CEP290: variants seen among roughly 807,000 people sequenced by gnomAD.
CEP290 encodes the protein centrosomal protein of 290 kDa.
CEP290 carries 317 observed loss-of-function variants against 344.9 expected under a neutral mutation model. That is an observed-to-expected ratio of 0.92 (90% CI 0.84 to 1.01). CEP290 has a LOEUF of 1.01. Ranked by LOEUF, CEP290 falls within the 50% of genes least tolerant of loss-of-function variation. The probability of loss-of-function intolerance (pLI) is 0.00; values close to 1 mark genes in which losing one functional copy is unlikely to be tolerated. For synonymous variants in CEP290, 932 were observed against 895.8 expected (o/e 1.04, Z -0.72); for missense variants, 2,754 against 2,761.4 (o/e 1.00, Z 0.06).
At chr12:88,107,259 A>G (rs961471205) in intron 23 of CEP290, among the ~76,000 whole-genome samples, 161 bp from the exon 24 acceptor site, 24 of 152,208 alleles carry the variant, frequency 1.6e-4, no homozygotes, top group African/African-American at 5.8e-4. Context: ...TCATTTAAAA[A>G]GGGTTTAGCC....
chr12:88,061,589 G>C (rs911171726), intron 46 of CEP290, among the ~76,000 whole-genome samples: 3 of 152,074 alleles, frequency 2.0e-5, no homozygotes, highest in Non-Finnish European at 4.4e-5. Context: ...TAGCCAAACA[G>C]TATGCTTAAT....
rs575298748 is a variant in CEP290, at chr12:88,060,355, C to A, written c.6523-335G>T. On this transcript the variant is annotated intron_variant, in intron 47 of 53. Coordinates refer to ENST00000552810, the MANE Select transcript of CEP290 (RefSeq NM_025114.4). ...TGGGCGGATCACGAGGTCAGGAGAT[C>A]GAGACAGTCCTGGTTAACATGGTGA... Among the ~76,000 whole-genome samples, 19 of 152,244 alleles carry A rather than the reference C, an allele frequency of 1.2e-4. No individual in the cohort carries two copies. In the East Asian group the frequency reaches 3.5e-3, roughly 28 times the overall value.
chr12:88,125,954 G>T lies in CEP290; in HGVS notation c.1065+362C>A, dbSNP rs548097352. ...TTTAGCTTATTTCACATTGTATAGG[G>T]TATGTTAGGACTAAGATACAGTAAA... On this transcript the variant is annotated intron_variant, in intron 12 of 53. Coordinates refer to ENST00000552810, the MANE Select transcript of CEP290 (RefSeq NM_025114.4). 9.9e-5 allele frequency among the ~76,000 whole-genome samples: 15 copies of T among 152,012 alleles called. No individual in the cohort carries two copies. In the South Asian group the frequency reaches 3.1e-3, roughly 32 times the overall value.
chr12:88,115,731 A>C, intron 18 of CEP290: 1 of 923,104 alleles, frequency 1.1e-6, no homozygotes, highest in Non-Finnish European at 1.3e-6. Flanking sequence ...TCATAAAAGA[A>C]CAACCACAGA....
In CEP290 at chr12:88,107,021, T is replaced by C. The variant is rs761569725; in HGVS notation, c.2561A>G (p.Asp854Gly). Residue 854 changes from aspartate (D) to glycine (G), a missense_variant, in exon 24 of 54, where the codon GAT becomes GGT. Coordinates refer to ENST00000552810, the MANE Select transcript of CEP290 (RefSeq NM_025114.4). ...KRKLEDQVQQ[D>G]AIKVKEYNNL... is the part of the protein sequence containing the mutation. ...ATTATATTCTTTTACTTTTATAGCA[T>C]CTTGTTGGACTTGATCCTCAAGTTT... The C allele has an allele frequency of 3.2e-6, 5 of 1,553,212 alleles. No individual in the cohort carries two copies. The highest frequency in any genetic ancestry group is 2.3e-5 in the East Asian group (1 of 42,694).
intron 38 of CEP290, among the ~76,000 whole-genome samples, chr12:88,079,834 G>T (rs1296061905): frequency 6.6e-6 from 1 of 151,494 alleles, no homozygotes; most frequent in Non-Finnish European, 1.5e-5. Context: ...GTTCAAAATT[G>T]TTCATTTGTT....
At chr12:88,112,997 A>G (rs1028871541) in intron 20 of CEP290, among the ~76,000 whole-genome samples, 2 of 152,120 alleles carry the variant, frequency 1.3e-5, no homozygotes, top group Non-Finnish European at 2.9e-5. Flanking sequence ...GAAGTGCATA[A>G]TCCAGCATTG....
chr12:88,105,700 A>T (rs1453011814), intron 25 of CEP290, among the ~76,000 whole-genome samples: 3 of 152,040 alleles, frequency 2.0e-5, no homozygotes, highest in Non-Finnish European at 4.4e-5. Context: ...TTGCTTAATA[A>T]TGGAGGTATA....
chr12:88,060,095 T>A (rs2034352558), intron 47 of CEP290, 75 bp from the exon 48 acceptor site: 8 of 1,229,874 alleles, frequency 6.5e-6, no homozygotes, highest in Non-Finnish European at 8.9e-6. Context: ...TATAAACTCA[T>A]AAATCTTCAA....
chr12:88,139,721 TTTTG>T (rs1221884697), intron 3 of CEP290, among the ~76,000 whole-genome samples, 157 bp from the exon 4 acceptor site: 1 of 152,166 alleles, frequency 6.6e-6, no homozygotes, highest in Non-Finnish European at 1.5e-5. Flanking sequence ...AGTTTTTGGT[TTTTG>T]TTTTTGTTTT....
chr12:88,124,421 A>G (rs2039602678), intron 13 of CEP290, among the ~76,000 whole-genome samples: 1 of 152,074 alleles, frequency 6.6e-6, no homozygotes, highest in Admixed American at 6.6e-5. Flanking sequence ...TTATCTCCTG[A>G]GCAAGGCTTT....
intron 49 of CEP290, 71 bp downstream of exon 49, chr12:88,058,777 T>G: frequency 7.0e-7 from 1 of 1,431,842 alleles, no homozygotes; most frequent in Admixed American, 1.9e-5. Flanking sequence ...TCCAGAATAG[T>G]GTTGTCTTTT....
intron 18 of CEP290, chr12:88,115,564 T>C: frequency 7.8e-7 from 1 of 1,289,492 alleles, no homozygotes; most frequent in South Asian, 1.2e-5. Context: ...TGTGCTATGA[T>C]TTCATTCTAA....
intron 33 of CEP290, 36 bp downstream of exon 33, chr12:88,086,355 T>G (rs200189677): frequency 6.6e-7 from 1 of 1,524,006 alleles, no homozygotes; most frequent in African/African-American, 1.4e-5. Flanking sequence ...CTCTAGACTA[T>G]GCTACAGAGT....
At chr12:88,133,637 C>A (rs999652136) in intron 6 of CEP290, among the ~76,000 whole-genome samples, 19 of 152,166 alleles carry the variant, frequency 1.2e-4, no homozygotes, top group Non-Finnish European at 2.2e-4. Context: ...AATTGCCACA[C>A]TGTCTCCCAC....
intron 28 of CEP290, 96 bp from the exon 29 acceptor site, chr12:88,092,928 G>T: frequency 8.7e-7 from 1 of 1,149,950 alleles, no homozygotes; most frequent in Non-Finnish European, 1.3e-6. Flanking sequence ...CTCTTTACTT[G>T]GCCTTAGTTC....
chr12:88,060,024 G>A lies in CEP290; in HGVS notation c.6523-4C>T. On this transcript the variant is annotated splice_region_variant and splice_polypyrimidine_tract_variant and intron_variant, in intron 47 of 53. Coordinates refer to ENST00000552810, the MANE Select transcript of CEP290 (RefSeq NM_025114.4). ...CTTTAAGTTTTTCTAATTCAGCCTA[G>A]TAAAAAAACAAACAAAATAAAAAGT... 4.6e-6 allele frequency: 7 copies of A among 1,527,280 alleles called. No individual in the cohort carries two copies. The highest frequency in any genetic ancestry group is 2.4e-5 in the East Asian group (1 of 41,518). The allele number at this position is 1,527,280 out of a possible 1,614,324, so 94.6% of individuals were successfully genotyped here. A position where few individuals can be genotyped will look rare whatever the true frequency, so the allele number is the denominator to read the frequency against.
intron 34 of CEP290, 37 bp from the exon 35 acceptor site, chr12:88,084,889 C>A (rs1565836603): frequency 4.2e-6 from 6 of 1,417,016 alleles, no homozygotes; most frequent in Non-Finnish European, 5.6e-6. Flanking sequence ...ATTAAAGTAT[C>A]TTTTTCCCTT....
intron 43 of CEP290, among the ~76,000 whole-genome samples, chr12:88,070,334 T>C (rs921007175): frequency 2.7e-4 from 41 of 152,340 alleles, no homozygotes; most frequent in African/African-American, 9.9e-4. Flanking sequence ...TGTTACTGCC[T>C]GCCCTGAAGA....
Sources: gnomAD v4.1 joint callset for allele counts (sites outside exome capture counted in the v4.1 genomes callset) on GRCh38, gnomAD v4.1.1 for gene constraint, MANE v1.5 for transcripts, NCBI Gene and HGNC (gene_info 2026-07-23, HGNC 2026-07-21) for gene names.